Variants in ZNF562 observed in about 807,000 individuals in gnomAD.
The protein encoded by ZNF562 is zinc finger protein 562.
In ZNF562, 13 loss-of-function variants were observed where a neutral mutation model predicts 17.5. That is an observed-to-expected ratio of 0.74 (90% confidence interval 0.48 to 1.18). The LOEUF (loss-of-function observed/expected upper bound fraction) is 1.18, where lower values mean the gene tolerates loss of function less well. ZNF562 is among the 50% of genes most tolerant of loss of function. The pLI is 0.00. For missense variants in ZNF562, 481 were observed against 498.5 expected (o/e 0.96, Z 0.33); for synonymous variants, 163 against 165.4 (o/e 0.99, Z 0.11).
chr19:9,669,729 C>CGA (rs1296679173), intron 1 of ZNF562, among the ~76,000 whole-genome samples: 11 of 95,782 alleles, frequency 1.1e-4, no homozygotes, highest in East Asian at 8.4e-4. Flanking sequence ...CGCGCGCGCG[C>CGA]GCGCGCACAC....
rs1159062932 is a variant in ZNF562, at chr19:9,647,121, C to G, written c.*5828G>C. 1 of 140,468 alleles carries G rather than the reference C, an allele frequency of 7.1e-6. No individual in the cohort carries two copies. Among genetic ancestry groups the G allele is most frequent in the Non-Finnish European group, 1.5e-5 (1 of 65,284 alleles). 8.7% of individuals were successfully genotyped at this position (140,468 alleles called of 1,614,324 possible). A position where few individuals can be genotyped will look rare whatever the true frequency, so the allele number is the denominator to read the frequency against. On this transcript the variant is annotated 3_prime_UTR_variant, in exon 6 of 6. Transcript: ENST00000453372. ...TTTTTGAGACGGATTCTCGCTCTGT[C>G]GTCAGGCTGGAGTGCAGTGGTGTGA... is the stretch of plus-strand genomic sequence containing the variant.
chr19:9,657,702 ATGCCTG>A (rs1442659989), intron 4 of ZNF562, among the ~76,000 whole-genome samples: 1 of 151,764 alleles, frequency 6.6e-6, no homozygotes, highest in African/African-American at 2.4e-5. Context: ...ATGTGCCACC[ATGCCTG>A]GCTAATTTTT....
In ZNF562 at chr19:9,653,779, T is replaced by A; in HGVS notation, c.451A>T (p.Asn151Tyr). ...KTHMRAQNGGNTFEGNCYGKD... is the reference protein window; with the variant it reads ...KTHMRAQNGGYTFEGNCYGKD... Reference sequence around the variant, plus strand: ...CCATAACAATTACCCTCAAAAGTGTTCCCTCCATTCTGAGCTCTCATGTGT... The same window carrying A: ...CCATAACAATTACCCTCAAAAGTGTACCCTCCATTCTGAGCTCTCATGTGT... Residue 151 changes from asparagine to tyrosine, a missense_variant, in exon 6 of 6, where the codon AAC (asparagine) becomes TAC (tyrosine). Asn to Tyr is a moderately radical substitution (Grantham distance 143, BLOSUM62 -2). This residue lies in a region of ZNF562 where 403 missense variants were observed against 386.4 expected (regional missense o/e 1.04). Coordinates refer to ENST00000453372, the MANE Select transcript of ZNF562 (RefSeq NM_001130031.2). The A allele has an allele frequency of 1.2e-6, 2 of 1,614,058 alleles. No homozygotes were observed. Among genetic ancestry groups the A allele is most frequent in the Non-Finnish European group, 1.7e-6 (2 of 1,179,976 alleles).
At chr19:9,658,199 T>C (rs2043592463) in intron 3 of ZNF562, 64 bp from the exon 4 acceptor site, 2 of 1,552,756 alleles carry the variant, frequency 1.3e-6, no homozygotes, top group Non-Finnish European at 1.7e-6. Context: ...CACTGGAGAA[T>C]GAGGAAAGGG....
At chr19:9,658,268 A>C in intron 3 of ZNF562, 133 bp from the exon 4 acceptor site, 2 of 1,362,342 alleles carry the variant, frequency 1.5e-6, no homozygotes, top group Non-Finnish European at 1.9e-6. Context: ...TCCAGGGTTT[A>C]ATGTCTCAGG....
rs2074774181 is a variant in ZNF562 at position 9,641,894 on chromosome 19, G to T, written c.*11055C>A. The T allele has an allele frequency of 6.6e-6, 1 of 152,188 alleles. No homozygotes were observed. The highest frequency in any genetic ancestry group is 2.4e-5 in the African/African-American group (1 of 41,444). The allele number at this position is 152,188 out of a possible 1,614,324, so 9.4% of individuals were successfully genotyped here. ...GCAAAGGGTGGTGGGATTATCATTA[G>T]TTCTCATAGGTTTGGGATAAGCGGT... On this transcript the variant is annotated 3_prime_UTR_variant, in exon 6 of 6. Transcript: ENST00000453372.
chr19:9,649,537 T>C lies in ZNF562; in HGVS notation c.*3412A>G, dbSNP rs1408628035. Reference sequence around the variant, plus strand: ...GAATGCACACCTGGGAGTGGGTCTCTGAACTGGCCCCCCTGGGTGTAGCCA... The same window carrying C: ...GAATGCACACCTGGGAGTGGGTCTCCGAACTGGCCCCCCTGGGTGTAGCCA... On this transcript the variant is annotated 3_prime_UTR_variant, in exon 6 of 6. Transcript: ENST00000453372. The C allele has an allele frequency of 1.3e-5, 2 of 152,166 alleles. No individual in the cohort carries two copies. Among genetic ancestry groups the C allele is most frequent in the East Asian group, 3.9e-4 (2 of 5,182 alleles). 9.4% of individuals were successfully genotyped at this position (152,166 alleles called of 1,614,324 possible).
intron 2 of ZNF562, among the ~76,000 whole-genome samples, chr19:9,659,930 A>G (rs1191040769): frequency 3.9e-4 from 2 of 5,178 alleles, no homozygotes; most frequent in Non-Finnish European, 1.2e-3. Context: ...CGTCTCTACT[A>G]AAAAAAAAAA....
Position 9,665,780 on chromosome 19 carries a change from C to A in ZNF562, c.-130-4906G>T, listed in dbSNP as rs145407899. 8.6e-3 allele frequency among the ~76,000 whole-genome samples: 1,308 copies of A among 152,024 alleles called. 20 individuals carry two copies. Among genetic ancestry groups the A allele is most frequent in the African/African-American group, 0.03 (1,231 of 41,468 alleles). On this transcript the variant is annotated intron_variant, in intron 1 of 5. Transcript: ENST00000453372. ...AAGAAAGGAAATCATTTTGGGAGGC[C>A]GACACAGGTGGATGGCTTGAGCTCA... is the stretch of plus-strand genomic sequence containing the variant.
intron 2 of ZNF562, among the ~76,000 whole-genome samples, chr19:9,660,519 T>C (rs1242801838): frequency 6.6e-6 from 1 of 151,762 alleles, no homozygotes; most frequent in East Asian, 1.9e-4. Context: ...GGCAGGAGAA[T>C]TGTTTGAACC....
In ZNF562 at chr19:9,653,485, G is replaced by T. The variant is rs1410260619; in HGVS notation, c.745C>A (p.Gln249Lys). 6.2e-6 allele frequency: 10 copies of T among 1,614,054 alleles called. No homozygotes were observed. Among genetic ancestry groups the T allele is most frequent in the East Asian group, 4.5e-5 (2 of 44,888 alleles). The change falls in exon 6 of 6, where the codon CAG becomes AAG. Residue 249 changes from glutamine (Q) to lysine (K), a missense_variant. This residue lies in a region of ZNF562 where 403 missense variants were observed against 386.4 expected (regional missense o/e 1.04). Coordinates refer to ENST00000453372, the MANE Select transcript of ZNF562 (RefSeq NM_001130031.2). ...TTTCCAGTATGAACTGCTACACACT[G>T]CTTTAAGTGTGAGGAAGTTGTGATG... ...RAITTSSHLK[Q>K]CVAVHTGKKS... is the part of the protein sequence containing the mutation.
chr19:9,654,271 G>A (rs535972244), intron 5 of ZNF562, among the ~76,000 whole-genome samples: 6 of 152,024 alleles, frequency 3.9e-5, no homozygotes, highest in African/African-American at 1.2e-4. Context: ...GATTACAGGC[G>A]TGACCCACCA....
In ZNF562 at chr19:9,647,675, A is replaced by T. The variant is rs959135788; in HGVS notation, c.*5274T>A. On this transcript the variant is annotated 3_prime_UTR_variant, in exon 6 of 6. Transcript: ENST00000453372. ...TGAGACCAGCCTGGCCAACTTGATG[A>T]AACCGTCTCTACTAAAAATACAAAA... 10 of 152,168 alleles carry T rather than the reference A, an allele frequency of 6.6e-5. No homozygotes were observed. Among genetic ancestry groups the T allele is most frequent in the African/African-American group, 2.4e-4 (10 of 41,436 alleles). 9.4% of individuals were successfully genotyped at this position (152,168 alleles called of 1,614,324 possible).
chr19:9,658,037 C>T lies in ZNF562; in HGVS notation c.213G>A (p.Leu71=). The T allele has an allele frequency of 6.2e-7, 1 of 1,613,242 alleles. No homozygotes were observed. The change falls in exon 4 of 6, where the codon CTG becomes CTA. Residue 71 remains leucine (L), a synonymous_variant. Coordinates refer to ENST00000453372, the MANE Select transcript of ZNF562 (RefSeq NM_001130031.2). ...TQKYLYRDVM[L]ENYMNLASVD... Reference sequence around the variant, plus strand: ...CAGAGGCCAGGTTCATGTAGTTCTCCAGCATCACATCTCTGTAGAGGTATT... The same window carrying T: ...CAGAGGCCAGGTTCATGTAGTTCTCTAGCATCACATCTCTGTAGAGGTATT...
rs1034584902 is a variant in ZNF562 at position 9,651,234 on chromosome 19, C to T, written c.*1715G>A. The T allele has an allele frequency of 6.6e-6, 1 of 152,096 alleles. No homozygotes were observed. The highest frequency in any genetic ancestry group is 2.4e-5 in the African/African-American group (1 of 41,398). 9.4% of individuals were successfully genotyped at this position (152,096 alleles called of 1,614,324 possible). A position where few individuals can be genotyped will look rare whatever the true frequency, so the allele number is the denominator to read the frequency against. ...GGTAAGGGTTATTCTGGTGAGGTGT[C>T]ATTGGGGAATGAGGAACATGCTATT... is the stretch of plus-strand genomic sequence containing the variant. On this transcript the variant is annotated 3_prime_UTR_variant, in exon 6 of 6. Transcript: ENST00000453372.
chr19:9,669,612 G>C (rs988071132), intron 1 of ZNF562, among the ~76,000 whole-genome samples: 3 of 151,988 alleles, frequency 2.0e-5, no homozygotes, highest in African/African-American at 2.4e-5. Context: ...CTTGAGCCCA[G>C]GAGTTCCAGA....
intron 1 of ZNF562, among the ~76,000 whole-genome samples, chr19:9,668,817 A>G (rs1176011195): frequency 6.6e-6 from 1 of 152,216 alleles, no homozygotes; most frequent in Admixed American, 6.5e-5. Context: ...ACAAATCTAC[A>G]CATGTACAGA....
intron 4 of ZNF562, among the ~76,000 whole-genome samples, chr19:9,657,061 AAAC>A (rs1248196636): frequency 2.0e-5 from 3 of 149,954 alleles, no homozygotes; most frequent in Admixed American, 6.7e-5. Flanking sequence ...AGAAAAAAGA[AAAC>A]AAGAGAACCT....
chr19:9,669,464 G>C (rs543790326), intron 1 of ZNF562, among the ~76,000 whole-genome samples: 245 of 152,242 alleles, frequency 1.6e-3, no homozygotes, highest in African/African-American at 5.7e-3. Context: ...AACAAATGCT[G>C]ATGAGGATAT....
Sources: gnomAD v4.1 joint callset for allele counts (sites outside exome capture counted in the v4.1 genomes callset) on GRCh38, gnomAD v4.1.1 for gene constraint, gnomAD v4.1.1 regional missense constraint, MANE v1.5 for transcripts, NCBI Gene and HGNC (gene_info 2026-07-23, HGNC 2026-07-21) for gene names.